NCAM2: variants seen among roughly 807,000 people sequenced by gnomAD.
NCAM2 encodes the protein neural cell adhesion molecule 2.
In NCAM2, 30 loss-of-function variants were observed where a neutral mutation model predicts 98.1. The observed-to-expected ratio is 0.31, with a 90% CI of 0.23 to 0.41. The LOEUF (loss-of-function observed/expected upper bound fraction) is 0.41, where lower values mean the gene tolerates loss of function less well. Ranked by LOEUF, NCAM2 falls within the 10% of genes least tolerant of loss-of-function variation. The pLI, the probability that NCAM2 is intolerant of heterozygous loss-of-function variation, is 1.00. For missense variants in NCAM2, 867 were observed against 1,005.8 expected (o/e 0.86, Z 1.87); for synonymous variants, 368 against 342.4 (o/e 1.07, Z -0.83).
At chr21:21,202,408 CTTTTTTTTTTT>C (rs11385750) in intron 1 of NCAM2, among the ~76,000 whole-genome samples, 1 of 80,196 alleles carries the variant, frequency 1.2e-5, no homozygotes, top group Non-Finnish European at 2.1e-5. Flanking sequence ...AGCAAATATC[CTTTTTTTTTTT>C]TTTTTTTTTT....
chr21:21,234,730 G>C (rs1376443387), intron 1 of NCAM2, among the ~76,000 whole-genome samples: 1 of 151,866 alleles, frequency 6.6e-6, no homozygotes, highest in African/African-American at 2.4e-5. Flanking sequence ...TGAGTGTCTG[G>C]AGCAGAGGGA....
intron 1 of NCAM2, among the ~76,000 whole-genome samples, chr21:21,241,351 C>T (rs1276578354): frequency 2.0e-5 from 3 of 151,672 alleles, no homozygotes; most frequent in Non-Finnish European, 2.9e-5. Flanking sequence ...AGAAAACATA[C>T]AGTATTTTCA....
intron 1 of NCAM2, among the ~76,000 whole-genome samples, chr21:21,108,932 G>A (rs2247835): frequency 0.21 from 31,502 of 151,998 alleles, 3,834 homozygotes; most frequent in African/African-American, 0.33. Context: ...ATCACCATAG[G>A]CTGTTCTGTG....
At chr21:21,300,843 G>A (rs1035796471) in intron 5 of NCAM2, among the ~76,000 whole-genome samples, 10 of 151,496 alleles carry the variant, frequency 6.6e-5, no homozygotes, top group African/African-American at 2.4e-4. Flanking sequence ...ATTATCTTGA[G>A]AACATTTCCT....
intron 1 of NCAM2, among the ~76,000 whole-genome samples, chr21:21,195,415 A>G (rs890224468): frequency 6.6e-6 from 1 of 152,182 alleles, no homozygotes; most frequent in Non-Finnish European, 1.5e-5. Context: ...AAAATGAAAT[A>G]TTCAGTTAAA....
chr21:21,169,547 A>G (rs1211004310), intron 1 of NCAM2, among the ~76,000 whole-genome samples: 3 of 152,234 alleles, frequency 2.0e-5, no homozygotes, highest in East Asian at 1.9e-4. Flanking sequence ...TACATCTGAT[A>G]AAGAATTGTT....
intron 1 of NCAM2, among the ~76,000 whole-genome samples, chr21:21,278,055 A>G (rs1601846185): frequency 6.6e-6 from 1 of 152,168 alleles, no homozygotes; most frequent in African/African-American, 2.4e-5. Flanking sequence ...TGAAGATGGC[A>G]AGATTAGATT....
chr21:21,313,542 T>A (rs1249627297), intron 5 of NCAM2, among the ~76,000 whole-genome samples: 2 of 151,992 alleles, frequency 1.3e-5, no homozygotes, highest in African/African-American at 2.4e-5. Flanking sequence ...AGCATTTGAA[T>A]GGCATATTTT....
chr21:21,175,550 AT>A (rs1304144938), intron 1 of NCAM2, among the ~76,000 whole-genome samples: 1 of 152,098 alleles, frequency 6.6e-6, no homozygotes, highest in African/African-American at 2.4e-5. Context: ...ATAAAAAAAA[AT>A]AAAATAATAA....
intron 1 of NCAM2, among the ~76,000 whole-genome samples, chr21:21,259,001 A>G (rs1253905495): frequency 6.6e-6 from 1 of 152,096 alleles, no homozygotes; most frequent in Non-Finnish European, 1.5e-5. Context: ...ATGTGGAGGG[A>G]GGGTCATCAT....
intron 5 of NCAM2, among the ~76,000 whole-genome samples, chr21:21,297,688 C>T (rs2073538439): frequency 1.3e-5 from 2 of 151,596 alleles, no homozygotes; most frequent in South Asian, 4.1e-4. Context: ...TATTCTCCCA[C>T]CATCTGATTC....
chr21:21,376,535 A>T (rs564940109), intron 9 of NCAM2, among the ~76,000 whole-genome samples: 58 of 151,992 alleles, frequency 3.8e-4, no homozygotes, highest in African/African-American at 1.4e-3. Context: ...ACATAATTAC[A>T]TGAGATTTTT....
chr21:21,220,060 TA>T (rs34284134), intron 1 of NCAM2, among the ~76,000 whole-genome samples: 86,816 of 150,610 alleles, frequency 0.58, 24,920 homozygotes, highest in Middle Eastern at 0.61. Flanking sequence ...GTCAAAAAGT[TA>T]AAAAAAAAAC....
chr21:21,046,384 G>A (rs902813646), intron 1 of NCAM2, among the ~76,000 whole-genome samples: 1 of 152,182 alleles, frequency 6.6e-6, no homozygotes, highest in Middle Eastern at 3.4e-3. Context: ...AATTGAGGTC[G>A]AATATGTGAC....
intron 1 of NCAM2, among the ~76,000 whole-genome samples, chr21:21,141,235 T>C (rs1346580531): frequency 6.6e-6 from 1 of 152,200 alleles, no homozygotes; most frequent in Non-Finnish European, 1.5e-5. Flanking sequence ...ACAAACTTGA[T>C]ATGATGAAAC....
At chr21:21,124,973 A>T (rs2066756523) in intron 1 of NCAM2, among the ~76,000 whole-genome samples, 2 of 152,170 alleles carry the variant, frequency 1.3e-5, no homozygotes, top group Admixed American at 1.3e-4. Context: ...TAAAAATTAA[A>T]TTATATAAGC....
chr21:21,294,884 T>C (rs948529205), intron 5 of NCAM2, among the ~76,000 whole-genome samples: 1 of 151,782 alleles, frequency 6.6e-6, no homozygotes, highest in East Asian at 1.9e-4. Context: ...CAGTGAAAAT[T>C]TTGAGGCTGC....
chr21:21,407,142 C>T (rs558240486), intron 9 of NCAM2, among the ~76,000 whole-genome samples: 1 of 152,154 alleles, frequency 6.6e-6, no homozygotes, highest in Non-Finnish European at 1.5e-5. Flanking sequence ...TGGTGCTATG[C>T]AAGAGTCACA....
At chr21:21,393,833 A>T (rs1216713732) in intron 9 of NCAM2, among the ~76,000 whole-genome samples, 2 of 152,218 alleles carry the variant, frequency 1.3e-5, no homozygotes, top group African/African-American at 4.8e-5. Flanking sequence ...AAGACAAATT[A>T]GCCATTGGAA....
Sources: gnomAD v4.1 joint callset for allele counts (sites outside exome capture counted in the v4.1 genomes callset) on GRCh38, gnomAD v4.1.1 for gene constraint, MANE v1.5 for transcripts, NCBI Gene and HGNC (gene_info 2026-07-23, HGNC 2026-07-21) for gene names.